SND1: variants seen among roughly 807,000 people sequenced by gnomAD.
SND1 encodes staphylococcal nuclease and tudor domain containing 1, also known as staphylococcal nuclease domain-containing protein 1.
Under a neutral mutation model 121.7 loss-of-function variants are expected in SND1, and 38 were observed. That is an observed-to-expected ratio of 0.31 (90% CI 0.24 to 0.41). The LOEUF is 0.41. Ranked by LOEUF, SND1 falls within the 10% of genes least tolerant of loss-of-function variation. The probability of loss-of-function intolerance (pLI) is 1.00; values close to 1 mark genes in which losing one functional copy is unlikely to be tolerated. For synonymous variants in SND1, 401 were observed against 447.4 expected (o/e 0.90, Z 1.31); for missense variants, 868 against 1,184.6 (o/e 0.73, Z 3.92).
intron 2 of SND1, 129 bp from the exon 3 acceptor site, chr7:127,694,699 C>T (rs1795977943): frequency 9.5e-7 from 1 of 1,052,614 alleles, no homozygotes; most frequent in South Asian, 1.7e-5. Flanking sequence ...TTTATATTCT[C>T]AAGGTCCAGC....
At chr7:127,992,817 C>T (rs1244388666) in intron 16 of SND1, among the ~76,000 whole-genome samples, 4 of 152,132 alleles carry the variant, frequency 2.6e-5, no homozygotes, top group Non-Finnish European at 5.9e-5. Context: ...GTGAGTGGCC[C>T]AAAACTCTTT....
At chr7:127,718,599 A>G (rs1185549599) in intron 9 of SND1, 1 of 985,338 alleles carries the variant, frequency 1.0e-6, no homozygotes, top group Non-Finnish European at 1.2e-6. Context: ...AATCAGGGAG[A>G]TGCTGAGCAG....
chr7:127,811,939 C>G (rs1798342218), intron 11 of SND1, among the ~76,000 whole-genome samples: 1 of 152,138 alleles, frequency 6.6e-6, no homozygotes, highest in Non-Finnish European at 1.5e-5. Flanking sequence ...CCGATTATAT[C>G]TTCAAGGGTT....
intron 15 of SND1, among the ~76,000 whole-genome samples, chr7:127,946,332 CT>C (rs1801329228): frequency 6.6e-6 from 1 of 152,186 alleles, no homozygotes; most frequent in African/African-American, 2.4e-5. Context: ...AACTTTAGCC[CT>C]GAGTAAGCAA....
chr7:128,061,032 C>T (rs1239300733), intron 16 of SND1, among the ~76,000 whole-genome samples: 1 of 152,172 alleles, frequency 6.6e-6, no homozygotes, highest in Non-Finnish European at 1.5e-5. Flanking sequence ...AGAATGAGGC[C>T]ACCCTGGCCC....
chr7:127,721,463 A>G lies in SND1; in HGVS notation c.1152+63A>G, dbSNP rs1378808089. On this transcript the variant is annotated intron_variant, in intron 10 of 23. Coordinates refer to ENST00000354725, the MANE Select transcript of SND1 (RefSeq NM_014390.4). Reference sequence around the variant, plus strand: ...CCAAAAGGAAGAAGTTGGAGAATTGATTAATATATGACATATATAATACAT... The same window carrying G: ...CCAAAAGGAAGAAGTTGGAGAATTGGTTAATATATGACATATATAATACAT... The G allele has an allele frequency of 5.6e-6, 5 of 896,174 alleles. No homozygotes were observed. In the Admixed American group the frequency reaches 7.1e-5, roughly 13 times the overall value. The allele number at this position is 896,174 out of a possible 1,614,324, so 55.5% of individuals were successfully genotyped here.
chr7:127,734,150 T>A (rs1183742753), intron 10 of SND1, among the ~76,000 whole-genome samples: 1 of 152,100 alleles, frequency 6.6e-6, no homozygotes, highest in Non-Finnish European at 1.5e-5. Context: ...TGCAGTAATA[T>A]CTCTGCAATT....
chr7:128,003,022 G>C (rs564220210), intron 16 of SND1, among the ~76,000 whole-genome samples: 81 of 152,288 alleles, frequency 5.3e-4, no homozygotes, highest in Non-Finnish European at 1.0e-3. Flanking sequence ...AGGATTTCAA[G>C]ACCAGCCTGG....
intron 16 of SND1, among the ~76,000 whole-genome samples, chr7:128,048,111 G>T (rs757931765): frequency 6.6e-6 from 1 of 152,154 alleles, no homozygotes; most frequent in African/African-American, 2.4e-5. Flanking sequence ...CTCCCAAAGT[G>T]CTGGGATTAC....
chr7:127,723,480 A>C (rs1001458391), intron 10 of SND1, among the ~76,000 whole-genome samples: 1 of 152,170 alleles, frequency 6.6e-6, no homozygotes, highest in Non-Finnish European at 1.5e-5. Flanking sequence ...AATCTACAAC[A>C]TATGGCTTGT....
chr7:128,081,492 G>A lies in SND1; in HGVS notation c.2101G>A (p.Val701Met). 13 of 1,613,904 alleles carry A rather than the reference G, an allele frequency of 8.1e-6. No homozygotes were observed. The highest frequency in any genetic ancestry group is 1.1e-5 in the Non-Finnish European group (13 of 1,179,980). Reference protein sequence around the residue: ...TDDLHFYVQDVETGTQLEKLM... With the variant: ...TDDLHFYVQDMETGTQLEKLM... ...TGACCTGCACTTCTACGTGCAGGATGTGGAGACCGGTGAGTGCTCAGGCCG... is the reference window on the plus strand; with the variant it reads ...TGACCTGCACTTCTACGTGCAGGATATGGAGACCGGTGAGTGCTCAGGCCG... The change falls in exon 18 of 24, where the codon GTG becomes ATG. Residue 701 changes from valine (V) to methionine (M), a missense_variant. Physicochemically the swap from Val to Met is conservative, Grantham distance 21 (BLOSUM62 1). Around this residue, in one of 2 missense-constraint regions of SND1, gnomAD observed 743 missense variants for 1,071.3 expected, o/e 0.69. Coordinates refer to ENST00000354725, the MANE Select transcript of SND1 (RefSeq NM_014390.4).
intron 12 of SND1, among the ~76,000 whole-genome samples, chr7:127,883,676 T>G (rs1055452935): frequency 2.6e-5 from 4 of 152,128 alleles, no homozygotes; most frequent in Admixed American, 2.0e-4. Context: ...CTACTCAAAT[T>G]TTGCCAACTG....
chr7:127,745,426 C>T (rs796165022), intron 10 of SND1, among the ~76,000 whole-genome samples: 2 of 152,110 alleles, frequency 1.3e-5, no homozygotes, highest in South Asian at 2.1e-4. Flanking sequence ...TGTGTGACAA[C>T]TGGGAAAAGG....
intron 16 of SND1, among the ~76,000 whole-genome samples, chr7:128,002,522 A>C (rs1017164127): frequency 6.6e-6 from 1 of 152,184 alleles, no homozygotes; most frequent in African/African-American, 2.4e-5. Flanking sequence ...TGGACTGATA[A>C]GGTGATCACC....
intron 11 of SND1, among the ~76,000 whole-genome samples, chr7:127,807,973 C>T (rs1798265754): frequency 6.6e-6 from 1 of 152,116 alleles, no homozygotes. Flanking sequence ...GAGGGATAGG[C>T]TGGCTATAAG....
At chr7:127,680,149 A>G (rs1461237660) in intron 1 of SND1, among the ~76,000 whole-genome samples, 1 of 152,170 alleles carries the variant, frequency 6.6e-6, no homozygotes, top group East Asian at 1.9e-4. Context: ...AGGGATTTTC[A>G]AAAGGGGAGG....
intron 1 of SND1, among the ~76,000 whole-genome samples, chr7:127,663,310 G>A (rs1795351944): frequency 6.6e-6 from 1 of 150,956 alleles, no homozygotes; most frequent in Admixed American, 6.6e-5. Context: ...TATTCTTACT[G>A]TTTTTTTCTT....
At chr7:127,924,387 G>T (rs1800789825) in intron 14 of SND1, among the ~76,000 whole-genome samples, 1 of 152,178 alleles carries the variant, frequency 6.6e-6, no homozygotes, top group African/African-American at 2.4e-5. Context: ...ATAATCCTGA[G>T]TGGTTAATTG....
intron 11 of SND1, among the ~76,000 whole-genome samples, chr7:127,813,040 A>G (rs957031403): frequency 1.3e-5 from 2 of 152,250 alleles, no homozygotes; most frequent in African/African-American, 4.8e-5. Flanking sequence ...ATTTAAATTG[A>G]CAGGTTTATA....
Sources: allele counts gnomAD v4.1 joint callset (sites outside exome capture counted in the v4.1 genomes callset), GRCh38; gene constraint gnomAD v4.1.1; regional missense constraint gnomAD v4.1.1; transcripts MANE v1.5; gene names NCBI Gene and HGNC (gene_info 2026-07-23, HGNC 2026-07-21).